Variants in RBMS3 observed in about 807,000 individuals in gnomAD.
RBMS3 encodes the protein RNA binding motif single stranded interacting protein 3.
In RBMS3, 27 loss-of-function variants were observed where a neutral mutation model predicts 66.8. That is an observed-to-expected ratio of 0.40 (90% CI 0.30 to 0.56). The LOEUF is 0.56. Among genes scored for constraint, RBMS3 ranks in the 20% least tolerant of loss-of-function variants. The pLI is 0.40. For synonymous variants in RBMS3, 188 were observed against 183.0 expected (o/e 1.03, Z -0.22); for missense variants, 513 against 549.5 (o/e 0.93, Z 0.66).
chr3:29,639,675 G>A (rs1308799852), intron 4 of RBMS3, among the ~76,000 whole-genome samples: 1 of 151,446 alleles, frequency 6.6e-6, no homozygotes, highest in Non-Finnish European at 1.5e-5. Flanking sequence ...GTAAAAGCTG[G>A]CCTTGGAAGT....
chr3:29,834,494 A>G (rs1313672476), intron 6 of RBMS3, among the ~76,000 whole-genome samples: 1 of 152,076 alleles, frequency 6.6e-6, no homozygotes, highest in Non-Finnish European at 1.5e-5. Flanking sequence ...AATTGTAACA[A>G]TAAAAACTTA....
chr3:29,374,887 C>G (rs1277318040), intron 1 of RBMS3, among the ~76,000 whole-genome samples: 1 of 152,200 alleles, frequency 6.6e-6, no homozygotes, highest in African/African-American at 2.4e-5. Flanking sequence ...ATGATGACAA[C>G]TATATAATGA....
chr3:29,368,143 T>G (rs1363525304), intron 1 of RBMS3, among the ~76,000 whole-genome samples: 2 of 152,194 alleles, frequency 1.3e-5, no homozygotes, highest in Admixed American at 6.6e-5. Flanking sequence ...ATCAATTTAG[T>G]TGACTTTCTA....
At chr3:29,469,920 C>T (rs896402871) in intron 2 of RBMS3, among the ~76,000 whole-genome samples, 11 of 147,540 alleles carry the variant, frequency 7.5e-5, no homozygotes, top group Non-Finnish European at 1.6e-4. Flanking sequence ...ATATTTAATA[C>T]TCATGTATAT....
At chr3:29,606,315 G>A (rs2048320601) in intron 4 of RBMS3, among the ~76,000 whole-genome samples, 1 of 151,824 alleles carries the variant, frequency 6.6e-6, no homozygotes, top group African/African-American at 2.4e-5. Flanking sequence ...AATATTTATG[G>A]ATCACTACTT....
chr3:29,868,821 G>A, intron 6 of RBMS3, 37 bp from the exon 7 acceptor site: 1 of 1,500,104 alleles, frequency 6.7e-7, no homozygotes, highest in Non-Finnish European at 9.1e-7. Context: ...TTTTAAGGGG[G>A]AGTTGTTAAT....
chr3:29,602,986 A>C (rs945741087), intron 4 of RBMS3, among the ~76,000 whole-genome samples: 1 of 151,646 alleles, frequency 6.6e-6, no homozygotes, highest in Admixed American at 6.6e-5. Context: ...TTCTCATAGA[A>C]CCTTCTTCAT....
At chr3:29,552,686 T>A (rs1319701442) in intron 3 of RBMS3, among the ~76,000 whole-genome samples, 1 of 152,126 alleles carries the variant, frequency 6.6e-6, no homozygotes, top group Non-Finnish European at 1.5e-5. Flanking sequence ...TTAAAAAAAA[T>A]ATAATCACAA....
At chr3:29,911,536 T>C (rs150945900) in intron 10 of RBMS3, among the ~76,000 whole-genome samples, 52 of 152,158 alleles carry the variant, frequency 3.4e-4, no homozygotes, top group African/African-American at 9.6e-4. Context: ...CAGAGTTGAG[T>C]GTAATATGCA....
intron 6 of RBMS3, 97 bp from the exon 7 acceptor site, chr3:29,868,761 C>T: frequency 9.4e-7 from 1 of 1,066,416 alleles, no homozygotes; most frequent in East Asian, 2.7e-5. Context: ...GATGTTACTT[C>T]AAAAGATACT....
At chr3:29,904,987 T>C (rs762499544) in intron 10 of RBMS3, among the ~76,000 whole-genome samples, 2 of 152,064 alleles carry the variant, frequency 1.3e-5, no homozygotes, top group East Asian at 3.9e-4. Context: ...TAAATTTTAA[T>C]TGTATATTTG....
At chr3:29,285,409 GTCATCT>G (rs2032238597) in intron 1 of RBMS3, among the ~76,000 whole-genome samples, 1 of 151,992 alleles carries the variant, frequency 6.6e-6, no homozygotes, top group African/African-American at 2.4e-5. Context: ...GAAAACTTTA[GTCATCT>G]TCATAAAACT....
chr3:29,760,285 C>A (rs1330002546), intron 5 of RBMS3, among the ~76,000 whole-genome samples: 1 of 147,640 alleles, frequency 6.8e-6, no homozygotes, highest in Non-Finnish European at 1.5e-5. Context: ...ACACACACCC[C>A]TACACACACA....
chr3:29,343,487 A>G (rs1324853280), intron 1 of RBMS3, among the ~76,000 whole-genome samples: 2 of 152,168 alleles, frequency 1.3e-5, no homozygotes, highest in African/African-American at 4.8e-5. Flanking sequence ...ATATCTGTCT[A>G]ATTAATAGAC....
chr3:29,710,010 G>T (rs1002837227), intron 4 of RBMS3, among the ~76,000 whole-genome samples: 2 of 152,122 alleles, frequency 1.3e-5, no homozygotes, highest in African/African-American at 4.8e-5. Context: ...GATGACATTC[G>T]TAACTTTCTT....
chr3:29,615,803 A>G (rs2048650564), intron 4 of RBMS3, among the ~76,000 whole-genome samples: 1 of 152,248 alleles, frequency 6.6e-6, no homozygotes, highest in Non-Finnish European at 1.5e-5. Context: ...ACTAAATTCA[A>G]TTTTTATTTT....
intron 5 of RBMS3, among the ~76,000 whole-genome samples, chr3:29,745,590 G>A (rs577547419): frequency 6.6e-6 from 1 of 152,238 alleles, no homozygotes; most frequent in South Asian, 2.1e-4. Flanking sequence ...GGAAGTGATG[G>A]GTGGGGGACA....
chr3:29,660,184 A>G (rs539518237), intron 4 of RBMS3, among the ~76,000 whole-genome samples: 1 of 152,048 alleles, frequency 6.6e-6, no homozygotes, highest in East Asian at 1.9e-4. Flanking sequence ...GCAACTGTCT[A>G]CCCCTTCAAT....
chr3:29,969,082 A>C (rs1470110530), intron 12 of RBMS3, among the ~76,000 whole-genome samples: 2 of 152,200 alleles, frequency 1.3e-5, no homozygotes, highest in Admixed American at 1.3e-4. Flanking sequence ...TAATTAGGCA[A>C]ATTGGATTTG....
Sources: allele counts gnomAD v4.1 joint callset (sites outside exome capture counted in the v4.1 genomes callset), GRCh38; gene constraint gnomAD v4.1.1; transcripts MANE v1.5; gene names NCBI Gene and HGNC (gene_info 2026-07-23, HGNC 2026-07-21).